KCND3: variants seen among roughly 807,000 people sequenced by gnomAD.
The protein encoded by KCND3 is potassium voltage-gated channel subfamily D member 3.
KCND3 carries 9 observed loss-of-function variants against 51.1 expected under a neutral mutation model. The observed-to-expected ratio is 0.18, with a 90% CI of 0.11 to 0.31. The LOEUF is 0.31. Ranked by LOEUF, KCND3 falls within the 10% of genes least tolerant of loss-of-function variation. The probability of loss-of-function intolerance (pLI) is 1.00; values close to 1 mark genes in which losing one functional copy is unlikely to be tolerated. For synonymous variants in KCND3, 349 were observed against 368.0 expected, an observed-to-expected ratio of 0.95 and a Z score of 0.59; for missense variants, 526 against 903.8, an observed-to-expected ratio of 0.58 and a Z score of 5.36.
intron 2 of KCND3, among the ~76,000 whole-genome samples, chr1:111,884,279 A>C (rs1266985495): frequency 6.6e-6 from 1 of 152,112 alleles, no homozygotes; most frequent in Non-Finnish European, 1.5e-5. Context: ...TATAGGTGGG[A>C]GTGTTTCTCC....
Position 111,900,046 on chromosome 1 carries a change from G to A in KCND3, c.1106+81575C>T, listed in dbSNP as rs144100114. On this transcript the variant is annotated intron_variant, in intron 2 of 7. Coordinates refer to ENST00000302127, the MANE Select transcript of KCND3 (RefSeq NM_001378969.1). ...ACTTGGCGCCACACAGGAGTGCAGT[G>A]TTAGATACTGTGTCTTGCCTGGGAC... Among the ~76,000 whole-genome samples the A allele has an allele frequency of 3.7e-3, 570 of 152,292 alleles. 8 individuals are homozygous for A. Among genetic ancestry groups the A allele is most frequent in the African/African-American group, 0.013 (553 of 41,566 alleles).
At chr1:111,958,529 A>G (rs1036441458) in intron 2 of KCND3, among the ~76,000 whole-genome samples, 16 of 152,244 alleles carry the variant, frequency 1.1e-4, no homozygotes, top group Admixed American at 1.0e-3. Flanking sequence ...AAGCGGCTAG[A>G]AACAGGAAAA....
chr1:111,923,431 C>T (rs1671565033), intron 2 of KCND3, among the ~76,000 whole-genome samples: 1 of 152,188 alleles, frequency 6.6e-6, no homozygotes, highest in South Asian at 2.1e-4. Context: ...GCCCCATCTT[C>T]CCAAAGTGAC....
At chr1:111,931,144 T>C (rs1671953003) in intron 2 of KCND3, among the ~76,000 whole-genome samples, 1 of 152,184 alleles carries the variant, frequency 6.6e-6, no homozygotes, top group Admixed American at 6.5e-5. Context: ...CACAGGCATC[T>C]TGCTCATCTG....
chr1:111,891,692 A>T (rs1157953813), intron 2 of KCND3, among the ~76,000 whole-genome samples: 1 of 152,224 alleles, frequency 6.6e-6, no homozygotes, highest in African/African-American at 2.4e-5. Context: ...CACAACTAGT[A>T]TGTAGATTCA....
intron 2 of KCND3, among the ~76,000 whole-genome samples, chr1:111,907,465 T>C (rs897648396): frequency 6.6e-6 from 1 of 152,078 alleles, no homozygotes; most frequent in Non-Finnish European, 1.5e-5. Context: ...TGACAAGAGG[T>C]AGGCCACATG....
At chr1:111,872,599 A>T (rs1668874676) in intron 2 of KCND3, among the ~76,000 whole-genome samples, 2 of 141,224 alleles carry the variant, frequency 1.4e-5, no homozygotes, top group Admixed American at 1.4e-4. Context: ...GGGGAGAAAG[A>T]GTGTTTTTTT....
At chr1:111,961,220 T>C (rs957761008) in intron 2 of KCND3, among the ~76,000 whole-genome samples, 1 of 152,236 alleles carries the variant, frequency 6.6e-6, no homozygotes, top group African/African-American at 2.4e-5. Flanking sequence ...TGTCCTCAGC[T>C]GTTCCTCAGA....
At position 111,895,417 on chromosome 1, in the gene KCND3, T is replaced by G. The variant is rs574317352; in HGVS notation, c.1106+86204A>C. Among the ~76,000 whole-genome samples, 3 of 151,760 alleles carry G rather than the reference T, an allele frequency of 2.0e-5. No individual in the cohort carries two copies. In the South Asian group the frequency reaches 6.2e-4, roughly 31 times the overall value. On this transcript the variant is annotated intron_variant, in intron 2 of 7. Transcript: ENST00000302127. Reference sequence around the variant, plus strand: ...GAGGTGGGGGAAGGGGTAATAAAAATTAAATTAAAGAAATTTTTTAAAGTT... The same window carrying G: ...GAGGTGGGGGAAGGGGTAATAAAAAGTAAATTAAAGAAATTTTTTAAAGTT...
chr1:111,924,345 G>A (rs571253662), intron 2 of KCND3, among the ~76,000 whole-genome samples: 18 of 152,294 alleles, frequency 1.2e-4, no homozygotes, highest in Admixed American at 1.2e-3. Context: ...TGATGCTCAG[G>A]GACCACAGGA....
chr1:111,964,759 C>T (rs371030631), intron 2 of KCND3, among the ~76,000 whole-genome samples: 1 of 152,184 alleles, frequency 6.6e-6, no homozygotes, highest in African/African-American at 2.4e-5. Flanking sequence ...GGGTATTGTC[C>T]TACCCACCAG....
intron 2 of KCND3, among the ~76,000 whole-genome samples, chr1:111,956,583 T>C (rs1158118204): frequency 1.3e-5 from 2 of 152,158 alleles, no homozygotes; most frequent in Non-Finnish European, 2.9e-5. Flanking sequence ...ACTTTTCTTT[T>C]TCTGATGTGC....
chr1:111,980,649 A>G (rs773078404), intron 2 of KCND3, among the ~76,000 whole-genome samples: 5 of 152,230 alleles, frequency 3.3e-5, no homozygotes, highest in Admixed American at 6.5e-5. Context: ...ATTAGGCTCC[A>G]TGGTTTCTAA....
intron 2 of KCND3, among the ~76,000 whole-genome samples, chr1:111,883,640 G>A (rs919889450): frequency 2.0e-5 from 3 of 152,218 alleles, no homozygotes; most frequent in African/African-American, 4.8e-5. Context: ...ACTGAGTGAC[G>A]GAGGAGGGAT....
At chr1:111,971,851 T>G (rs1191992980) in intron 2 of KCND3, among the ~76,000 whole-genome samples, 1 of 152,234 alleles carries the variant, frequency 6.6e-6, no homozygotes, top group East Asian at 1.9e-4. Flanking sequence ...TCCAGAGTTC[T>G]TTTGACTTCT....
At position 111,933,342 on chromosome 1, in the gene KCND3, C is replaced by T. The variant is rs76440522; in HGVS notation, c.1106+48279G>A. Among the ~76,000 whole-genome samples, 28 of 152,268 alleles carry T rather than the reference C, an allele frequency of 1.8e-4. No individual in the cohort carries two copies. The East Asian group carries it at 4.2e-3, about 23-fold the overall frequency. Reference sequence around the variant, plus strand: ...TACCAACAACTCACCAGTCACTGTGCGAGGCATATGAAGCACAGAAACTGC... The same window carrying T: ...TACCAACAACTCACCAGTCACTGTGTGAGGCATATGAAGCACAGAAACTGC... On this transcript the variant is annotated intron_variant, in intron 2 of 7. Transcript: ENST00000302127.
At chr1:111,946,195 A>G (rs1672769496) in intron 2 of KCND3, among the ~76,000 whole-genome samples, 1 of 152,248 alleles carries the variant, frequency 6.6e-6, no homozygotes, top group Non-Finnish European at 1.5e-5. Flanking sequence ...CTCAGAGTAC[A>G]GTGGACACAC....
intron 2 of KCND3, among the ~76,000 whole-genome samples, chr1:111,861,937 T>C (rs932843145): frequency 9.2e-5 from 14 of 152,132 alleles, no homozygotes; most frequent in Admixed American, 6.5e-5. Context: ...CCCAAATAAG[T>C]AGAAGGAATC....
At chr1:111,914,072 T>G (rs892817679) in intron 2 of KCND3, among the ~76,000 whole-genome samples, 8 of 151,976 alleles carry the variant, frequency 5.3e-5, no homozygotes, top group Admixed American at 3.3e-4. Context: ...TGCTCATGAA[T>G]TTACAGGAAA....
Sources: gnomAD v4.1 joint callset for allele counts (sites outside exome capture counted in the v4.1 genomes callset) on GRCh38, gnomAD v4.1.1 for gene constraint, MANE v1.5 for transcripts, NCBI Gene and HGNC (gene_info 2026-07-23, HGNC 2026-07-21) for gene names.